LRMDA: variants seen among roughly 807,000 people sequenced by gnomAD.
The protein encoded by LRMDA is leucine rich melanocyte differentiation associated, also known as leucine-rich melanocyte differentiation-associated protein.
Under a neutral mutation model 29.8 loss-of-function variants are expected in LRMDA, and 18 were observed. That is an observed-to-expected ratio of 0.60 (90% CI 0.42 to 0.90). The LOEUF (loss-of-function observed/expected upper bound fraction) is 0.90, where lower values mean the gene tolerates loss of function less well. Ranked by LOEUF, LRMDA falls within the 40% of genes least tolerant of loss-of-function variation. The pLI, the probability that LRMDA is intolerant of heterozygous loss-of-function variation, is 0.00. For missense variants in LRMDA, 273 were observed against 273.9 expected (o/e 1.00, Z 0.02); for synonymous variants, 125 against 109.4 (o/e 1.14, Z -0.89).
intron 5 of LRMDA, among the ~76,000 whole-genome samples, chr10:76,271,063 G>A (rs993586775): frequency 2.0e-5 from 3 of 152,126 alleles, no homozygotes; most frequent in African/African-American, 7.2e-5. Context: ...GGCTACCCAG[G>A]CCAAATCTAT....
chr10:76,156,610 C>G (rs1173421774), intron 5 of LRMDA, among the ~76,000 whole-genome samples: 4 of 152,064 alleles, frequency 2.6e-5, no homozygotes, highest in Admixed American at 2.6e-4. Context: ...CAACTCCATG[C>G]CTGGCAGTCC....
chr10:76,473,839 A>G (rs1007962246), intron 6 of LRMDA, among the ~76,000 whole-genome samples: 2 of 151,636 alleles, frequency 1.3e-5, no homozygotes, highest in African/African-American at 4.8e-5. Flanking sequence ...CTGAAATACA[A>G]TGAAAATAAC....
chr10:76,472,036 A>G (rs1010870042), intron 6 of LRMDA, among the ~76,000 whole-genome samples: 4 of 151,762 alleles, frequency 2.6e-5, no homozygotes, highest in Non-Finnish European at 4.4e-5. Flanking sequence ...CAAAATATCA[A>G]GGAAATAGAA....
At chr10:75,769,951 C>G (rs1197439872) in intron 2 of LRMDA, among the ~76,000 whole-genome samples, 1 of 152,050 alleles carries the variant, frequency 6.6e-6, no homozygotes, top group Non-Finnish European at 1.5e-5. Context: ...CCACTGCACT[C>G]CAGCCTGGAT....
intron 5 of LRMDA, among the ~76,000 whole-genome samples, chr10:76,310,344 T>A (rs963074220): frequency 6.6e-6 from 1 of 151,888 alleles, no homozygotes; most frequent in African/African-American, 2.4e-5. Flanking sequence ...CTCTTGGAGG[T>A]TTTTTGAATC....
chr10:76,531,083 G>T (rs376821211), intron 6 of LRMDA, among the ~76,000 whole-genome samples: 10 of 151,410 alleles, frequency 6.6e-5, no homozygotes, highest in African/African-American at 2.4e-4. Context: ...CTGTTAGAAA[G>T]AAAATCCCCA....
intron 2 of LRMDA, among the ~76,000 whole-genome samples, chr10:75,734,634 C>T (rs1349220600): frequency 1.3e-5 from 2 of 152,122 alleles, no homozygotes; most frequent in Non-Finnish European, 2.9e-5. Context: ...TTATTGAGTA[C>T]CTGCTCTTTG....
intron 6 of LRMDA, among the ~76,000 whole-genome samples, chr10:76,549,961 C>G (rs1843473742): frequency 6.6e-6 from 1 of 152,136 alleles, no homozygotes; most frequent in South Asian, 2.1e-4. Context: ...CAATTTAGAT[C>G]TGCAATATTT....
At position 76,538,524 on chromosome 10, in the gene LRMDA, T is replaced by A. The variant is rs184135898; in HGVS notation, c.602-18685T>A. On this transcript the variant is annotated intron_variant, in intron 6 of 6. Transcript: ENST00000611255. The stretch of plus-strand genomic sequence containing the variant: ...TGTATATATATATGTATATACATAT[T>A]TATATACAGTTATATATATGTATAT... 6.0e-3 allele frequency among the ~76,000 whole-genome samples: 871 copies of A among 146,054 alleles called. 3 individuals carry two copies. Among genetic ancestry groups the A allele is most frequent in the South Asian group, 8.8e-3 (41 of 4,654 alleles).
chr10:76,294,483 TA>T (rs1402220357), intron 5 of LRMDA, among the ~76,000 whole-genome samples: 1 of 152,226 alleles, frequency 6.6e-6, no homozygotes, highest in African/African-American at 2.4e-5. Flanking sequence ...GCCTTATCCA[TA>T]TATTTTAACT....
intron 2 of LRMDA, among the ~76,000 whole-genome samples, chr10:75,599,051 G>T (rs1417422280): frequency 6.6e-6 from 1 of 152,070 alleles, no homozygotes; most frequent in East Asian, 1.9e-4. Flanking sequence ...GGTGGCTGGG[G>T]ATGGAAATGG....
chr10:75,932,179 G>C (rs1052760082), intron 2 of LRMDA, among the ~76,000 whole-genome samples: 3 of 152,150 alleles, frequency 2.0e-5, no homozygotes, highest in Non-Finnish European at 4.4e-5. Flanking sequence ...TTCTTAAGAA[G>C]CTGGAAGACT....
At chr10:76,130,023 G>A (rs1420700648) in intron 5 of LRMDA, among the ~76,000 whole-genome samples, 1 of 151,772 alleles carries the variant, frequency 6.6e-6, no homozygotes, top group South Asian at 2.1e-4. Context: ...GTTTTCTTTT[G>A]TATTTTGAGG....
chr10:75,789,252 T>C (rs574936873), intron 2 of LRMDA, among the ~76,000 whole-genome samples: 29 of 152,252 alleles, frequency 1.9e-4, no homozygotes, highest in African/African-American at 6.3e-4. Flanking sequence ...GACGATGAAA[T>C]GAGATTGTGA....
intron 6 of LRMDA, among the ~76,000 whole-genome samples, chr10:76,363,133 G>GA (rs1841333203): frequency 4.3e-5 from 1 of 23,320 alleles, no homozygotes; most frequent in African/African-American, 1.9e-4. Flanking sequence ...AAGAAAGAAA[G>GA]AAAGAAAGAA....
chr10:76,212,268 T>C (rs112125681), intron 5 of LRMDA, among the ~76,000 whole-genome samples: 4,231 of 107,716 alleles, frequency 0.039, 90 homozygotes, highest in South Asian at 0.089. Context: ...CACACACACA[T>C]AAAAAAAAAA....
At chr10:75,994,945 T>A (rs989306881) in intron 2 of LRMDA, among the ~76,000 whole-genome samples, 5 of 152,226 alleles carry the variant, frequency 3.3e-5, no homozygotes, top group African/African-American at 1.2e-4. Flanking sequence ...GTCATTTAAA[T>A]TTTCAAGAGC....
At chr10:76,157,646 C>T (rs964437764) in intron 5 of LRMDA, among the ~76,000 whole-genome samples, 1 of 151,530 alleles carries the variant, frequency 6.6e-6, no homozygotes, top group Non-Finnish European at 1.5e-5. Flanking sequence ...TAAATGAAGG[C>T]TTAATGTAGA....
intron 2 of LRMDA, among the ~76,000 whole-genome samples, chr10:75,616,958 G>T (rs7077144): frequency 2.6e-5 from 4 of 152,196 alleles, no homozygotes; most frequent in African/African-American, 9.7e-5. Flanking sequence ...GTAAGTGGAA[G>T]TAGACTATCA....
Sources: allele counts gnomAD v4.1 joint callset (sites outside exome capture counted in the v4.1 genomes callset), GRCh38; gene constraint gnomAD v4.1.1; transcripts MANE v1.5; gene names NCBI Gene and HGNC (gene_info 2026-07-23, HGNC 2026-07-21).